The following OR5K1 variants were observed in gnomAD, a reference collection of about 807,000 sequenced individuals.
The protein encoded by OR5K1 is olfactory receptor family 5 subfamily K member 1, also known as olfactory receptor 5K1.
Under a neutral mutation model 10.4 loss-of-function variants are expected in OR5K1, and 7 were observed. That is an observed-to-expected ratio of 0.67 (90% CI 0.38 to 1.26). The LOEUF is 1.26. OR5K1 is among the 50% of genes most tolerant of loss of function. The pLI is 0.02. For synonymous variants in OR5K1, 135 were observed against 128.5 expected, an observed-to-expected ratio of 1.05 and a Z score of -0.34; for missense variants, 435 against 366.2, an observed-to-expected ratio of 1.19 and a Z score of -1.53.
chr3:98,472,168 C>A lies in OR5K1; in HGVS notation c.*1665C>A, dbSNP rs1260869498. On this transcript the variant is annotated 3_prime_UTR_variant, in exon 2 of 2. Transcript: ENST00000642057. ...CTTCAGGTATCTACGTCCATGTCTACTCCTCAGGCTGCATTGATTTTCAGC... is the reference window on the plus strand; with the variant it reads ...CTTCAGGTATCTACGTCCATGTCTAATCCTCAGGCTGCATTGATTTTCAGC... The A allele has an allele frequency of 6.6e-6, 1 of 151,946 alleles. No homozygotes were observed. 9.4% of individuals were successfully genotyped at this position (151,946 alleles called of 1,614,324 possible).
chr3:98,464,794 A>C (rs1705351726), intron 1 of OR5K1, among the ~76,000 whole-genome samples: 1 of 152,200 alleles, frequency 6.6e-6, no homozygotes, highest in Admixed American at 6.6e-5. Context: ...TGATGTGGAC[A>C]TATGCCTGAA....
rs1017683028 is a variant in OR5K1 at position 98,470,509 on chromosome 3, A to G, written c.*6A>G. The G allele has an allele frequency of 6.7e-7, 1 of 1,498,714 alleles. No individual in the cohort carries two copies. Among genetic ancestry groups the G allele is most frequent in the Non-Finnish European group, 9.2e-7 (1 of 1,089,278 alleles). The allele number at this position is 1,498,714 out of a possible 1,614,324, so 92.8% of individuals were successfully genotyped here. ...AAATTCTGATGAAGAAATAATCTCA[A>G]GAAAGATGGAAACAAGTGACATCTA... On this transcript the variant is annotated 3_prime_UTR_variant, in exon 2 of 2. Coordinates refer to ENST00000642057, the MANE Select transcript of OR5K1 (RefSeq NM_001004736.4).
Position 98,469,913 on chromosome 3 carries a change from T to A in OR5K1, c.337T>A (p.Phe113Ile), listed in dbSNP as rs746005216. The change falls in exon 2 of 2, where the codon TTT (phenylalanine) becomes ATT (isoleucine). Residue 113 changes from phenylalanine to isoleucine, a missense_variant. Transcript: ENST00000642057. ...FLCTVETADC[F>I]LLAAMAYDRY... is the part of the protein sequence containing the mutation. ...TTGCACTGTGGAAACTGCAGACTGC[T>A]TTCTTCTGGCAGCAATGGCCTATGA... 6.2e-7 allele frequency: 1 copy of A among 1,613,774 alleles called. No homozygotes were observed.
At position 98,470,916 on chromosome 3, in the gene OR5K1, A is replaced by G. The variant is rs1038841167; in HGVS notation, c.*413A>G. On this transcript the variant is annotated 3_prime_UTR_variant, in exon 2 of 2. Coordinates refer to ENST00000642057, the MANE Select transcript of OR5K1 (RefSeq NM_001004736.4). ...GAGCATGAGCATTATGGTTAAACTG[A>G]AAGAGTTTAAGATCATATGATGGTC... 1.3e-5 allele frequency: 2 copies of G among 153,940 alleles called. No individual in the cohort carries two copies. Among genetic ancestry groups the G allele is most frequent in the African/African-American group, 4.8e-5 (2 of 41,438 alleles). The allele number at this position is 153,940 out of a possible 1,614,324, so 9.5% of individuals were successfully genotyped here.
intron 1 of OR5K1, among the ~76,000 whole-genome samples, chr3:98,463,984 G>A (rs1294243696): frequency 2.0e-4 from 31 of 152,160 alleles, no homozygotes; most frequent in Non-Finnish European, 1.0e-4. Flanking sequence ...GCCAGGTGCA[G>A]TGGCTCATGC....
intron 1 of OR5K1, among the ~76,000 whole-genome samples, chr3:98,468,395 G>T (rs1705400013): frequency 6.6e-6 from 1 of 151,940 alleles, no homozygotes; most frequent in Admixed American, 6.6e-5. Context: ...AAATACATTT[G>T]CAATGTTGTA....
rs199803370 is a variant in OR5K1 at position 98,470,088 on chromosome 3, C to A, written c.512C>A (p.Ser171Ter). Residue 171 changes from serine to a stop codon, truncating the protein, a stop_gained, in exon 2 of 2, where the codon TCG becomes TAG. Transcript: ENST00000642057. LOFTEE classifies it high-confidence loss of function. ...GLVFRLVFCG[S>*]NHINHFYCDI... ...GTATTTAGGTTAGTTTTCTGTGGAT[C>A]GAATCACATCAACCACTTTTACTGT... 1.1e-5 allele frequency: 17 copies of A among 1,613,440 alleles called. No homozygotes were observed. In the Admixed American group the frequency reaches 2.3e-4, roughly 22 times the overall value.
intron 1 of OR5K1, among the ~76,000 whole-genome samples, chr3:98,466,122 C>G (rs1705372809): frequency 6.6e-6 from 1 of 150,954 alleles, no homozygotes; most frequent in Non-Finnish European, 1.5e-5. Flanking sequence ...TTGTTCAATT[C>G]CCACCTATGA....
chr3:98,465,807 T>G (rs1705365942), intron 1 of OR5K1, among the ~76,000 whole-genome samples: 1 of 152,088 alleles, frequency 6.6e-6, no homozygotes, highest in Non-Finnish European at 1.5e-5. Context: ...AGAGAAACAA[T>G]ATCCTATTTA....
chr3:98,469,143 A>G (rs1451413313), intron 1 of OR5K1, among the ~76,000 whole-genome samples: 1 of 152,066 alleles, frequency 6.6e-6, no homozygotes, highest in Non-Finnish European at 1.5e-5. Flanking sequence ...CAACATGGAC[A>G]GAGCTGGAGG....
Position 98,470,618 on chromosome 3 carries a change from A to G in OR5K1, c.*115A>G, listed in dbSNP as rs1705436821. ...TGCATAAATTATAAGTAAAATTTTA[A>G]TATATAAGAATACATTCAAATTAAG... On this transcript the variant is annotated 3_prime_UTR_variant, in exon 2 of 2. Transcript: ENST00000642057. The G allele has an allele frequency of 6.8e-6, 4 of 588,978 alleles. 1 individual carries two copies. The highest frequency in any genetic ancestry group is 5.4e-5 in the South Asian group (2 of 37,054). The allele number at this position is 588,978 out of a possible 1,614,324, so 36.5% of individuals were successfully genotyped here. A position where few individuals can be genotyped will look rare whatever the true frequency, so the allele number is the denominator to read the frequency against.
chr3:98,469,421 C>T, intron 1 of OR5K1, 145 bp from the exon 2 acceptor site: 1 of 673,524 alleles, frequency 1.5e-6, no homozygotes. Flanking sequence ...GAAATTCATT[C>T]TCCCCATGAA....
rs373701464 is a variant in OR5K1 at position 98,469,513 on chromosome 3, T to C, written c.-11-53T>C. 7 of 1,513,390 alleles carry C rather than the reference T, an allele frequency of 4.6e-6. No homozygotes were observed. The African/African-American group carries it at 6.9e-5, about 15-fold the overall frequency. The allele number at this position is 1,513,390 out of a possible 1,614,324, so 93.7% of individuals were successfully genotyped here. A position where few individuals can be genotyped will look rare whatever the true frequency, so the allele number is the denominator to read the frequency against. On this transcript the variant is annotated intron_variant, in intron 1 of 1. Coordinates refer to ENST00000642057, the MANE Select transcript of OR5K1 (RefSeq NM_001004736.4). ...TTCCTTTAAGCCAAAGAGACCTAAA[T>C]AACTGTGGCATATTATAAATTAGTG...
chr3:98,466,107 T>C (rs969901659), intron 1 of OR5K1, among the ~76,000 whole-genome samples: 1 of 151,346 alleles, frequency 6.6e-6, no homozygotes, highest in Non-Finnish European at 1.5e-5. Context: ...GTCCATGTGA[T>C]CTCATTGTTC....
intron 1 of OR5K1, among the ~76,000 whole-genome samples, chr3:98,466,081 A>G (rs1705372077): frequency 6.6e-6 from 1 of 151,392 alleles, no homozygotes; most frequent in Non-Finnish European, 1.5e-5. Flanking sequence ...CCAGAGTGTG[A>G]TATTCCCCTT....
At chr3:98,469,428 T>A in intron 1 of OR5K1, 138 bp from the exon 2 acceptor site, 1 of 725,174 alleles carries the variant, frequency 1.4e-6, no homozygotes, top group Non-Finnish European at 2.3e-6. Context: ...ATTCTCCCCA[T>A]GAATGGGGCA....
intron 1 of OR5K1, among the ~76,000 whole-genome samples, chr3:98,464,990 A>C (rs996931782): frequency 2.0e-5 from 3 of 152,198 alleles, no homozygotes; most frequent in Admixed American, 2.0e-4. Context: ...GTTATAAAAC[A>C]CTGCAGACCT....
chr3:98,465,074 T>A (rs572763366), intron 1 of OR5K1, among the ~76,000 whole-genome samples: 2 of 152,330 alleles, frequency 1.3e-5, no homozygotes, highest in South Asian at 4.1e-4. Context: ...TTGCAGACAA[T>A]TTGAAAGAAA....
At chr3:98,468,437 A>C (rs1705400463) in intron 1 of OR5K1, among the ~76,000 whole-genome samples, 1 of 152,076 alleles carries the variant, frequency 6.6e-6, no homozygotes, top group Admixed American at 6.6e-5. Flanking sequence ...CTCATCCAGA[A>C]CTTTATCTTC....
Sources: allele counts gnomAD v4.1 joint callset (sites outside exome capture counted in the v4.1 genomes callset), GRCh38; gene constraint gnomAD v4.1.1; transcripts MANE v1.5; gene names NCBI Gene and HGNC (gene_info 2026-07-23, HGNC 2026-07-21).